Variants in GRIN2A observed in about 807,000 individuals in gnomAD.
The protein encoded by GRIN2A is glutamate ionotropic receptor NMDA type subunit 2A.
GRIN2A carries 22 observed loss-of-function variants against 113.4 expected under a neutral mutation model. That is an observed-to-expected ratio of 0.19 (90% CI 0.14 to 0.28). The LOEUF (loss-of-function observed/expected upper bound fraction) is 0.28. Ranked by LOEUF, GRIN2A falls within the 10% of genes least tolerant of loss-of-function variation. The pLI is 1.00. For synonymous variants in GRIN2A, 827 were observed against 738.4 expected, an observed-to-expected ratio of 1.12 and a Z score of -1.94; for missense variants, 1,502 against 1,887.0, an observed-to-expected ratio of 0.80 and a Z score of 3.78.
intron 3 of GRIN2A, among the ~76,000 whole-genome samples, chr16:9,914,316 C>T (rs1029188924): frequency 1.3e-5 from 2 of 152,220 alleles, no homozygotes; most frequent in African/African-American, 2.4e-5. Flanking sequence ...GATGCACCAA[C>T]AAGAAAGGCA....
Position 9,760,540 on chromosome 16 carries a change from C to A in GRIN2A, c.*2609G>T. On this transcript the variant is annotated 3_prime_UTR_variant, in exon 13 of 13. Coordinates refer to ENST00000330684, the MANE Select transcript of GRIN2A (RefSeq NM_001134407.3). ...AATATATATTTTTTTCACAACATTA[C>A]TGTTGATTCTTCCAAAGGCCACGTT... The A allele has an allele frequency of 4.5e-6, 1 of 220,034 alleles. No individual in the cohort carries two copies. Among genetic ancestry groups the A allele is most frequent in the East Asian group, 6.7e-5 (1 of 14,908 alleles). 13.6% of individuals were successfully genotyped at this position (220,034 alleles called of 1,614,324 possible).
chr16:9,973,973 C>T (rs2045725662), intron 2 of GRIN2A, among the ~76,000 whole-genome samples: 1 of 152,084 alleles, frequency 6.6e-6, no homozygotes, highest in South Asian at 2.1e-4. Flanking sequence ...CTAATTCCTT[C>T]AGGAATTAAT....
At chr16:9,944,928 G>A (rs2044982066) in intron 2 of GRIN2A, among the ~76,000 whole-genome samples, 1 of 152,162 alleles carries the variant, frequency 6.6e-6, no homozygotes, top group African/African-American at 2.4e-5. Context: ...ATTGTTCCAG[G>A]AAAGTGAATC....
At chr16:10,015,252 CAAAAAAAAA>C (rs200124835) in intron 2 of GRIN2A, among the ~76,000 whole-genome samples, 2 of 19,316 alleles carry the variant, frequency 1.0e-4, no homozygotes, top group African/African-American at 1.5e-4. Context: ...GACTTCATCT[CAAAAAAAAA>C]AAAAAAAAAA....
intron 3 of GRIN2A, among the ~76,000 whole-genome samples, chr16:9,908,326 A>C (rs1203323443): frequency 6.6e-6 from 1 of 152,054 alleles, no homozygotes; most frequent in Non-Finnish European, 1.5e-5. Context: ...TTACCACCTA[A>C]AGGGCAAAGG....
At chr16:10,138,794 T>C (rs932236547) in intron 2 of GRIN2A, among the ~76,000 whole-genome samples, 3 of 152,192 alleles carry the variant, frequency 2.0e-5, no homozygotes, top group Non-Finnish European at 4.4e-5. Flanking sequence ...CATAATAAAA[T>C]TTCAATACAT....
intron 2 of GRIN2A, among the ~76,000 whole-genome samples, chr16:10,125,613 T>C (rs2048916545): frequency 6.9e-6 from 1 of 144,670 alleles, no homozygotes; most frequent in South Asian, 2.2e-4. Context: ...ATCATCCTCA[T>C]ACTGCTCATG....
chr16:10,083,985 C>G (rs1196567855), intron 2 of GRIN2A, among the ~76,000 whole-genome samples: 1 of 152,036 alleles, frequency 6.6e-6, no homozygotes, highest in Non-Finnish European at 1.5e-5. Flanking sequence ...GCCTATAATC[C>G]CAGCTACTTG....
chr16:9,965,462 A>G (rs2045537320), intron 2 of GRIN2A, among the ~76,000 whole-genome samples: 1 of 152,240 alleles, frequency 6.6e-6, no homozygotes, highest in African/African-American at 2.4e-5. Flanking sequence ...TGTTGGGCTG[A>G]GCTATAGAAT....
At chr16:10,051,400 A>G (rs941309006) in intron 2 of GRIN2A, among the ~76,000 whole-genome samples, 5 of 152,236 alleles carry the variant, frequency 3.3e-5, no homozygotes, top group African/African-American at 4.8e-5. Context: ...CATTGGGAAG[A>G]AAAACTCCAT....
chr16:9,974,572 C>T (rs1444798008), intron 2 of GRIN2A, among the ~76,000 whole-genome samples: 4 of 152,148 alleles, frequency 2.6e-5, no homozygotes, highest in Admixed American at 2.6e-4. Context: ...AGGAGTCTTG[C>T]CGATGCTCGC....
chr16:10,106,330 G>A (rs1035231819), intron 2 of GRIN2A, among the ~76,000 whole-genome samples: 1 of 151,856 alleles, frequency 6.6e-6, no homozygotes, highest in Non-Finnish European at 1.5e-5. Context: ...GGGAGACTGA[G>A]AGGGAGGACT....
chr16:9,835,950 A>C (rs1008226622), intron 7 of GRIN2A, among the ~76,000 whole-genome samples: 2 of 152,252 alleles, frequency 1.3e-5, no homozygotes, highest in Non-Finnish European at 2.9e-5. Context: ...TACTTAAGTA[A>C]CACAAGATGC....
intron 3 of GRIN2A, among the ~76,000 whole-genome samples, chr16:9,897,314 A>G (rs1389112891): frequency 6.6e-6 from 1 of 152,118 alleles, no homozygotes; most frequent in African/African-American, 2.4e-5. Context: ...TTAAATAAAC[A>G]TTCCTCTTCC....
chr16:9,781,783 A>C (rs1901951559), intron 11 of GRIN2A, among the ~76,000 whole-genome samples: 1 of 152,198 alleles, frequency 6.6e-6, no homozygotes, highest in Non-Finnish European at 1.5e-5. Flanking sequence ...AGAAAAAAGA[A>C]ATAGGCATGA....
intron 2 of GRIN2A, among the ~76,000 whole-genome samples, chr16:10,076,620 G>A (rs978179806): frequency 6.6e-5 from 10 of 152,126 alleles, no homozygotes; most frequent in Non-Finnish European, 1.5e-4. Context: ...CTGGGGTGTG[G>A]CTCTGAGACA....
intron 12 of GRIN2A, among the ~76,000 whole-genome samples, chr16:9,768,277 C>G (rs887681697): frequency 6.6e-6 from 1 of 152,150 alleles, no homozygotes; most frequent in African/African-American, 2.4e-5. Context: ...TGGTCTCGAT[C>G]TCCTGACCTC....
At chr16:9,895,145 GAAC>G (rs1247353181) in intron 3 of GRIN2A, among the ~76,000 whole-genome samples, 1 of 152,116 alleles carries the variant, frequency 6.6e-6, no homozygotes, top group Non-Finnish European at 1.5e-5. Context: ...CTATAACGAA[GAAC>G]AATAAGTGTA....
At chr16:9,857,121 C>A (rs1421633748) in intron 4 of GRIN2A, among the ~76,000 whole-genome samples, 1 of 151,972 alleles carries the variant, frequency 6.6e-6, no homozygotes, top group Non-Finnish European at 1.5e-5. Flanking sequence ...GACCAGTAGT[C>A]CTCCAAATTG....
Sources: allele counts gnomAD v4.1 joint callset (sites outside exome capture counted in the v4.1 genomes callset), GRCh38; gene constraint gnomAD v4.1.1; transcripts MANE v1.5; gene names NCBI Gene and HGNC (gene_info 2026-07-23, HGNC 2026-07-21).